Variants in PRKG1 observed in about 807,000 individuals in gnomAD.
The protein encoded by PRKG1 is cGMP-dependent protein kinase 1.
In PRKG1, 35 loss-of-function variants were observed where a neutral mutation model predicts 88.1. The ratio of observed to expected loss-of-function variants is 0.40; its 90% CI spans 0.30 to 0.53. The LOEUF (loss-of-function observed/expected upper bound fraction) is 0.53. Among genes scored for constraint, PRKG1 ranks in the 20% least tolerant of loss-of-function variants. PRKG1 has a pLI of 0.59. For missense variants in PRKG1, 540 were observed against 839.8 expected (o/e 0.64, Z 4.41); for synonymous variants, 303 against 292.5 (o/e 1.04, Z -0.37).
chr10:51,259,826 T>C (rs1022946235), intron 2 of PRKG1, among the ~76,000 whole-genome samples: 1 of 151,980 alleles, frequency 6.6e-6, no homozygotes, highest in Admixed American at 6.6e-5. Context: ...ATGTGAATTA[T>C]AGCCAGGCCC....
chr10:51,947,811 G>A (rs1045662022), intron 5 of PRKG1, among the ~76,000 whole-genome samples: 3 of 151,934 alleles, frequency 2.0e-5, no homozygotes, highest in East Asian at 1.9e-4. Context: ...AGCAAGATTT[G>A]GGGTGGAGAG....
Position 51,531,780 on chromosome 10 carries a change from G to A in PRKG1, c.592+63944G>A, listed in dbSNP as rs187603261. Among the ~76,000 whole-genome samples, 272 of 151,026 alleles carry A rather than the reference G, an allele frequency of 1.8e-3. 1 individual carries two copies. The highest frequency in any genetic ancestry group is 5.7e-3 in the African/African-American group (234 of 41,092). ...CTGCCTCAGCCTCCTGAGTAGCTGGGATTACAGGCTCCCGACACTGTGCCC... is the reference window on the plus strand; with the variant it reads ...CTGCCTCAGCCTCCTGAGTAGCTGGAATTACAGGCTCCCGACACTGTGCCC... On this transcript the variant is annotated intron_variant, in intron 3 of 17. Coordinates refer to ENST00000373980, the MANE Select transcript of PRKG1 (RefSeq NM_006258.4).
At chr10:51,672,122 A>AT (rs148708274) in intron 3 of PRKG1, among the ~76,000 whole-genome samples, 20,430 of 149,860 alleles carry the variant, frequency 0.14, 1,460 homozygotes, top group South Asian at 0.17. Flanking sequence ...CTCATTTGAG[A>AT]TTTTTTTTTT....
At chr10:51,497,649 G>C (rs1213430633) in intron 3 of PRKG1, among the ~76,000 whole-genome samples, 9 of 152,178 alleles carry the variant, frequency 5.9e-5, no homozygotes, top group Admixed American at 1.3e-4. Flanking sequence ...AGAGCAAATA[G>C]GAGCAAGGTG....
At chr10:51,511,126 T>A (rs190754842) in intron 3 of PRKG1, among the ~76,000 whole-genome samples, 1 of 152,112 alleles carries the variant, frequency 6.6e-6, no homozygotes, top group Non-Finnish European at 1.5e-5. Context: ...AATATACTAT[T>A]TAGTATACAA....
chr10:51,588,908 T>C (rs1838238772), intron 3 of PRKG1, among the ~76,000 whole-genome samples: 1 of 152,172 alleles, frequency 6.6e-6, no homozygotes, highest in African/African-American at 2.4e-5. Context: ...CCCTTTTTTT[T>C]CAATGATTCT....
intron 5 of PRKG1, among the ~76,000 whole-genome samples, chr10:51,987,457 A>C (rs973063517): frequency 7.7e-6 from 1 of 130,012 alleles, no homozygotes; most frequent in Non-Finnish European, 1.7e-5. Flanking sequence ...TCTACTCATT[A>C]CTTTTTTTTT....
chr10:51,403,083 C>T (rs1240585380), intron 2 of PRKG1, among the ~76,000 whole-genome samples: 1 of 152,154 alleles, frequency 6.6e-6, no homozygotes, highest in Admixed American at 6.6e-5. Flanking sequence ...AACCAAAACT[C>T]AGCATTGGGC....
chr10:51,584,163 C>T lies in PRKG1; in HGVS notation c.592+116327C>T, dbSNP rs116197872. Among the ~76,000 whole-genome samples the T allele has an allele frequency of 5.1e-3, 781 of 152,032 alleles. 5 individuals carry two copies. The highest frequency in any genetic ancestry group is 0.018 in the African/African-American group (746 of 41,498). ...TATAGCTTTAATAACTCTGTTGAAC[C>T]TCAGGGTAACTCACTGTAATGGTGT... is the stretch of plus-strand genomic sequence containing the variant. On this transcript the variant is annotated intron_variant, in intron 3 of 17. Coordinates refer to ENST00000373980, the MANE Select transcript of PRKG1 (RefSeq NM_006258.4).
chr10:51,579,723 C>T (rs189933375), intron 3 of PRKG1, among the ~76,000 whole-genome samples: 14 of 152,176 alleles, frequency 9.2e-5, no homozygotes, highest in African/African-American at 3.4e-4. Context: ...ATTTCATTTT[C>T]ACTATATTTC....
At chr10:51,518,805 G>A (rs1841662000) in intron 3 of PRKG1, among the ~76,000 whole-genome samples, 1 of 152,130 alleles carries the variant, frequency 6.6e-6, no homozygotes, top group Non-Finnish European at 1.5e-5. Context: ...CATTAATTCT[G>A]TGTTCCTCAT....
chr10:51,980,867 A>G (rs1025657509), intron 5 of PRKG1, among the ~76,000 whole-genome samples: 2 of 151,966 alleles, frequency 1.3e-5, no homozygotes, highest in East Asian at 1.9e-4. Context: ...TTTTGAGCCT[A>G]TGGGTGTTGT....
chr10:51,378,932 T>C (rs1842867667), intron 2 of PRKG1, among the ~76,000 whole-genome samples: 2 of 152,200 alleles, frequency 1.3e-5, no homozygotes, highest in African/African-American at 4.8e-5. Flanking sequence ...ATAGTAAATG[T>C]AAGCCACAGT....
intron 2 of PRKG1, among the ~76,000 whole-genome samples, chr10:51,200,829 C>T (rs1387531771): frequency 6.6e-6 from 1 of 152,136 alleles, no homozygotes; most frequent in Non-Finnish European, 1.5e-5. Flanking sequence ...TAATATGCTG[C>T]CTACTGAAAT....
chr10:52,183,465 G>T (rs551647538), intron 9 of PRKG1, among the ~76,000 whole-genome samples: 6 of 152,216 alleles, frequency 3.9e-5, no homozygotes, highest in Admixed American at 2.0e-4. Flanking sequence ...TCAAGGGCAG[G>T]TTCTTCCTGG....
At chr10:51,421,492 G>T (rs1297198480) in intron 2 of PRKG1, among the ~76,000 whole-genome samples, 1 of 152,172 alleles carries the variant, frequency 6.6e-6, no homozygotes, top group African/African-American at 2.4e-5. Context: ...ATACCTTTTA[G>T]ATAGGTCATA....
At chr10:51,034,559 A>G (rs977748347) in intron 1 of PRKG1, among the ~76,000 whole-genome samples, 3 of 150,982 alleles carry the variant, frequency 2.0e-5, no homozygotes, top group Non-Finnish European at 3.0e-5. Context: ...ATCCCAACTC[A>G]AAAAATATTC....
chr10:51,077,673 A>G lies in PRKG1; in HGVS notation c.311+2772A>G, dbSNP rs148809458. ...TGGAGGGAAGGTTCTGTCAGATTCC[A>G]GCACTGAGCCAGGACACTCCTGCTA... On this transcript the variant is annotated intron_variant, in intron 1 of 17. Transcript: ENST00000373980. 7.3e-3 allele frequency among the ~76,000 whole-genome samples: 1,106 copies of G among 152,284 alleles called. 4 individuals are homozygous for G. Among genetic ancestry groups the G allele is most frequent in the Middle Eastern group, 0.02 (6 of 294 alleles).
Position 51,211,192 on chromosome 10 carries a change from T to C in PRKG1, c.478+57862T>C, listed in dbSNP as rs1211966967. ...AAATCGATAAACGTAATCCAGCATA[T>C]AAACAGAACCAACGACAAAAACCAC... On this transcript the variant is annotated intron_variant, in intron 2 of 17. Coordinates refer to ENST00000373980, the MANE Select transcript of PRKG1 (RefSeq NM_006258.4). 2.6e-5 allele frequency among the ~76,000 whole-genome samples: 4 copies of C among 152,104 alleles called. No homozygotes were observed. In the South Asian group the frequency reaches 8.3e-4, roughly 32 times the overall value.
Sources: gnomAD v4.1 joint callset for allele counts (sites outside exome capture counted in the v4.1 genomes callset) on GRCh38, gnomAD v4.1.1 for gene constraint, MANE v1.5 for transcripts, NCBI Gene and HGNC (gene_info 2026-07-23, HGNC 2026-07-21) for gene names.